Variants in SRGN observed in about 807,000 individuals in gnomAD.
SRGN encodes the protein serglycin.
SRGN carries 2 observed loss-of-function variants against 9.5 expected under a neutral mutation model. That is an observed-to-expected ratio of 0.21 (90% CI 0.09 to 0.66). The LOEUF is 0.66. Among genes scored for constraint, SRGN ranks in the 30% least tolerant of loss-of-function variants. The pLI is 0.83. For missense variants in SRGN, 170 were observed against 192.4 expected (o/e 0.88, Z 0.69); for synonymous variants, 59 against 72.3 (o/e 0.82, Z 0.93).
At chr10:69,088,427 G>A (rs1564657606) in intron 1 of SRGN, among the ~76,000 whole-genome samples, 191 bp downstream of exon 1, 1 of 152,204 alleles carries the variant, frequency 6.6e-6, no homozygotes, top group Non-Finnish European at 1.5e-5. Flanking sequence ...ATTAAACTCT[G>A]TGGCGTGTGC....
chr10:69,088,789 C>G (rs921074396), intron 1 of SRGN, among the ~76,000 whole-genome samples: 7 of 151,540 alleles, frequency 4.6e-5, no homozygotes, highest in African/African-American at 1.7e-4. Flanking sequence ...TCATGTAAAA[C>G]CTCTCAGATT....
intron 1 of SRGN, among the ~76,000 whole-genome samples, chr10:69,090,149 C>A (rs983259941): frequency 6.6e-6 from 1 of 152,116 alleles, no homozygotes; most frequent in African/African-American, 2.4e-5. Flanking sequence ...ATAGATGTCC[C>A]CCACTGGCTG....
chr10:69,091,879 C>CAAAAAAAAAAAAAAAAAAAAA (rs1177012248), intron 1 of SRGN, among the ~76,000 whole-genome samples: 80 of 31,768 alleles, frequency 2.5e-3, no homozygotes, highest in Middle Eastern at 0.024. Flanking sequence ...GACTCTGTCT[C>CAAAAAAAAAAAAAAAAAAAAA]AAAAAAAAAA....
intron 2 of SRGN, among the ~76,000 whole-genome samples, chr10:69,097,633 T>A (rs1441579013): frequency 6.6e-6 from 1 of 152,076 alleles, no homozygotes; most frequent in Non-Finnish European, 1.5e-5. Context: ...TTCACCTTAT[T>A]AGCCAGGATG....
chr10:69,101,105 C>G (rs1286013655), intron 2 of SRGN, among the ~76,000 whole-genome samples: 1 of 151,652 alleles, frequency 6.6e-6, no homozygotes, highest in South Asian at 2.1e-4. Flanking sequence ...GCCTCAGCCT[C>G]CAGGGTGTGC....
At chr10:69,101,303 A>G (rs967577623) in intron 2 of SRGN, among the ~76,000 whole-genome samples, 1 of 151,994 alleles carries the variant, frequency 6.6e-6, no homozygotes, top group African/African-American at 2.4e-5. Context: ...TCTCTGGGTT[A>G]CCTCGCTATC....
At chr10:69,097,728 A>G (rs1327911329) in intron 2 of SRGN, among the ~76,000 whole-genome samples, 1 of 151,812 alleles carries the variant, frequency 6.6e-6, no homozygotes, top group Non-Finnish European at 1.5e-5. Context: ...CGCCTGGCCT[A>G]ATTTTTTGTA....
At chr10:69,090,013 G>A (rs1564658177) in intron 1 of SRGN, among the ~76,000 whole-genome samples, 1 of 152,166 alleles carries the variant, frequency 6.6e-6, no homozygotes, top group Non-Finnish European at 1.5e-5. Context: ...CGTAGGTTTA[G>A]CTCTTTGTTA....
At chr10:69,087,982 C>T (rs1451011573), upstream of SRGN, 1 of 616,178 alleles carries the variant, frequency 1.6e-6, no homozygotes, top group Admixed American at 2.8e-5. Flanking sequence ...TCCCCCCACC[C>T]CCTTTCTTTC....
At chr10:69,100,106 C>T (rs749147836) in intron 2 of SRGN, among the ~76,000 whole-genome samples, 1 of 152,090 alleles carries the variant, frequency 6.6e-6, no homozygotes. Context: ...GTAATCCCAG[C>T]TATTGAGAGG....
At position 69,103,950 on chromosome 10, in the gene SRGN, G is replaced by A. The variant is rs571429508; in HGVS notation, c.307G>A (p.Gly103Ser). 6.8e-6 allele frequency: 11 copies of A among 1,614,126 alleles called. No individual in the cohort carries two copies. The highest frequency in any genetic ancestry group is 2.2e-5 in the East Asian group (1 of 44,882). Residue 103 changes from glycine to serine, a missense_variant, in exon 3 of 3, where the codon GGC becomes AGC. Physicochemically the swap from Gly to Ser is moderately conservative, Grantham distance 56. Coordinates refer to ENST00000242465, the MANE Select transcript of SRGN (RefSeq NM_002727.4). ...TGGATCAGGCTTCGGCTCCGGCTCCGGCTCTGGATCAGGATCTGGGAGTGG... is the reference window on the plus strand; with the variant it reads ...TGGATCAGGCTTCGGCTCCGGCTCCAGCTCTGGATCAGGATCTGGGAGTGG... ...YSGSGFGSGS[G>S]SGSGSGSGFL...
rs1274276433 is a variant in SRGN at position 69,091,906 on chromosome 10, AAAG to A, written c.79+3673_79+3675del. 7.9e-3 allele frequency among the ~76,000 whole-genome samples: 718 copies of A among 91,076 alleles called. 37 individuals are homozygous for A. Among genetic ancestry groups the A allele is most frequent in the East Asian group, 0.018 (55 of 3,028 alleles). The allele number at this position is 91,076 out of a possible 152,430, so 59.7% of individuals were successfully genotyped here. ...AAAAAAAAAAAAAAAAAAAAAAAAA[AAAG>A]AAAAAGAAAAGAAAAGAAAAAAAAA... On this transcript the variant is annotated intron_variant, in intron 1 of 2. Coordinates refer to ENST00000242465, the MANE Select transcript of SRGN (RefSeq NM_002727.4).
chr10:69,098,588 G>A (rs1840227125), intron 2 of SRGN: 1 of 152,036 alleles, frequency 6.6e-6, no homozygotes, highest in African/African-American at 2.4e-5. Context: ...GCCAGCCTGG[G>A]CAACATAGTG....
chr10:69,091,754 C>T (rs1324727847), intron 1 of SRGN, among the ~76,000 whole-genome samples: 2 of 151,384 alleles, frequency 1.3e-5, no homozygotes, highest in Non-Finnish European at 2.9e-5. Flanking sequence ...GTGGCATGCA[C>T]CTGTAATCCC....
Position 69,104,408 on chromosome 10 carries a change from A to AAT in SRGN, c.*299_*300dup, listed in dbSNP as rs1051700279. ...CCATGGCCATAAAATGGCTTTAAAGAATATATATATATTTTTAAAGTAGCT... is the reference window on the plus strand; with the variant it reads ...CCATGGCCATAAAATGGCTTTAAAGAATATATATATATATTTTTAAAGTAGCT... On this transcript the variant is annotated 3_prime_UTR_variant, in exon 3 of 3. Coordinates refer to ENST00000242465, the MANE Select transcript of SRGN (RefSeq NM_002727.4). 2.7e-4 allele frequency: 53 copies of AAT among 196,274 alleles called. No homozygotes were observed. Among genetic ancestry groups the AAT allele is most frequent in the Admixed American group, 4.4e-4 (8 of 17,978 alleles). The allele number at this position is 196,274 out of a possible 1,614,324, so 12.2% of individuals were successfully genotyped here.
intron 2 of SRGN, among the ~76,000 whole-genome samples, chr10:69,099,713 A>G (rs1840251877): frequency 6.6e-6 from 1 of 152,224 alleles, no homozygotes. Flanking sequence ...CTACTCTTGC[A>G]TTCTTACTTT....
chr10:69,097,486 G>A (rs1038615557), intron 2 of SRGN, among the ~76,000 whole-genome samples: 1 of 145,026 alleles, frequency 6.9e-6, no homozygotes, highest in Non-Finnish European at 1.5e-5. Context: ...GAGTGCAGTG[G>A]CGCAATCTCG....
chr10:69,101,426 T>G (rs1564662765), intron 2 of SRGN, among the ~76,000 whole-genome samples: 1 of 152,182 alleles, frequency 6.6e-6, no homozygotes, highest in Non-Finnish European at 1.5e-5. Context: ...CAAGGCCACC[T>G]CTCTTTGTGG....
In SRGN at chr10:69,103,897, G is replaced by A. The variant is rs186846312; in HGVS notation, c.254G>A (p.Arg85His). 9.3e-6 allele frequency: 15 copies of A among 1,613,752 alleles called. No homozygotes were observed. The highest frequency in any genetic ancestry group is 3.3e-5 in the Admixed American group (2 of 59,958). The change falls in exon 3 of 3, where the codon CGT becomes CAT. Residue 85 changes from arginine (R) to histidine (H), a missense_variant. Coordinates refer to ENST00000242465, the MANE Select transcript of SRGN (RefSeq NM_002727.4). ...AAGACGAGAATCCAGGACTTGAATC[G>A]TATCTTCCCACTTTCTGAGGACTAC... ...FPKTRIQDLN[R>H]IFPLSEDYSG...
Sources: gnomAD v4.1 joint callset for allele counts (sites outside exome capture counted in the v4.1 genomes callset) on GRCh38, gnomAD v4.1.1 for gene constraint, MANE v1.5 for transcripts, NCBI Gene and HGNC (gene_info 2026-07-23, HGNC 2026-07-21) for gene names.